Variants in COL4A4 observed in about 807,000 individuals in gnomAD.
COL4A4 encodes the protein collagen type IV alpha 4 chain.
Under a neutral mutation model 192.9 loss-of-function variants are expected in COL4A4, and 105 were observed. The ratio of observed to expected loss-of-function variants is 0.54; its 90% CI spans 0.46 to 0.64. COL4A4 has a LOEUF of 0.64. Among genes scored for constraint, COL4A4 ranks in the 30% least tolerant of loss-of-function variants. The pLI is 0.00. For synonymous variants in COL4A4, 762 were observed against 769.9 expected, an observed-to-expected ratio of 0.99 and a Z score of 0.17; for missense variants, 1,967 against 2,169.3, an observed-to-expected ratio of 0.91 and a Z score of 1.85.
intron 8 of COL4A4, among the ~76,000 whole-genome samples, chr2:227,113,343 C>A (rs1406594677): frequency 6.6e-6 from 1 of 152,086 alleles, no homozygotes; most frequent in African/African-American, 2.4e-5. Context: ...TCTTCTGTTT[C>A]CCCTTAAGAT....
intron 37 of COL4A4, among the ~76,000 whole-genome samples, 177 bp from the exon 38 acceptor site, chr2:227,033,658 A>T (rs764742706): frequency 1.3e-5 from 2 of 152,202 alleles, no homozygotes; most frequent in Non-Finnish European, 2.9e-5. Flanking sequence ...TAACACATTC[A>T]TCCGGTAAAG....
At chr2:227,144,833 C>G (rs1426328155) in intron 2 of COL4A4, among the ~76,000 whole-genome samples, 7 of 151,964 alleles carry the variant, frequency 4.6e-5, no homozygotes, top group Admixed American at 6.6e-5. Context: ...GAAAGTGAGA[C>G]CTGGAGGGAC....
chr2:226,996,963 G>T, the COL4A4 span: 1 of 152,268 alleles, frequency 6.6e-6, no homozygotes, highest in East Asian at 1.9e-4. Flanking sequence ...GGTACCCAGG[G>T]TTAACATTTT....
rs1369097739 is a variant in COL4A4, at chr2:227,050,133, T to A, written c.3151-2A>T. On this transcript the variant is annotated splice_acceptor_variant, in intron 33 of 47. Coordinates refer to ENST00000396625, the MANE Select transcript of COL4A4 (RefSeq NM_000092.5). LOFTEE classifies it high-confidence loss of function. ...GGGACCTGGAGAACCTGGCTCACCCTGACAGTTTAATGAAACAAAAGGCCT... is the reference window on the plus strand; with the variant it reads ...GGGACCTGGAGAACCTGGCTCACCCAGACAGTTTAATGAAACAAAAGGCCT... The A allele has an allele frequency of 6.2e-7, 1 of 1,613,902 alleles. No homozygotes were observed. The highest frequency in any genetic ancestry group is 8.5e-7 in the Non-Finnish European group (1 of 1,179,756).
chr2:227,045,846 A>AG (rs1559487996), intron 35 of COL4A4, among the ~76,000 whole-genome samples: 16 of 67,286 alleles, frequency 2.4e-4, no homozygotes, highest in African/African-American at 9.6e-4. Flanking sequence ...ACATATATAT[A>AG]TACACATATA....
Position 227,108,567 on chromosome 2 carries a change from G to A in COL4A4, c.735+14C>T. 6.2e-7 allele frequency: 1 copy of A among 1,613,228 alleles called. No individual in the cohort carries two copies. The highest frequency in any genetic ancestry group is 8.5e-7 in the Non-Finnish European group (1 of 1,179,192). ...CGTCACCATCTGCTCCTCAGAGCAA[G>A]AGGGAATTCTTACCGGGTCTCCCAT... On this transcript the variant is annotated intron_variant, in intron 12 of 47. Coordinates refer to ENST00000396625, the MANE Select transcript of COL4A4 (RefSeq NM_000092.5).
At chr2:227,096,298 A>C (rs964607254) in intron 19 of COL4A4, among the ~76,000 whole-genome samples, 1 of 152,212 alleles carries the variant, frequency 6.6e-6, no homozygotes, top group African/African-American at 2.4e-5. Flanking sequence ...AGGCAGGCCC[A>C]GCCCTTCCTG....
At position 227,085,152 on chromosome 2, in the gene COL4A4, C is replaced by T. The variant is rs534948259; in HGVS notation, c.1624-2965G>A. 7.2e-5 allele frequency among the ~76,000 whole-genome samples: 8 copies of T among 110,826 alleles called. 1 individual carries two copies. The South Asian group carries it at 2.5e-3, about 35-fold the overall frequency. The allele number at this position is 110,826 out of a possible 152,430, so 72.7% of individuals were successfully genotyped here. A position where few individuals can be genotyped will look rare whatever the true frequency, so the allele number is the denominator to read the frequency against. On this transcript the variant is annotated intron_variant, in intron 22 of 47. Coordinates refer to ENST00000396625, the MANE Select transcript of COL4A4 (RefSeq NM_000092.5). ...ACCAAAAAAAAAAACAAAAGCAAAA[C>T]GAAACAAAAAAAACACTTCCTCTCT... is the stretch of plus-strand genomic sequence containing the variant.
chr2:227,041,705 AAG>A (rs773445101), intron 37 of COL4A4, among the ~76,000 whole-genome samples: 30 of 130,932 alleles, frequency 2.3e-4, no homozygotes, highest in East Asian at 2.1e-4. Flanking sequence ...AGAGAGAGAG[AAG>A]GAAGGAAGGG....
rs374945692 is a variant in COL4A4, at chr2:227,099,692, G to A, written c.1030-3C>T. ...TGCCCTCGATTTCCAGGATCCCCCT[G>A]AAATCATTCATTCATTCACTTTTTA... On this transcript the variant is annotated splice_polypyrimidine_tract_variant and splice_region_variant and intron_variant, in intron 17 of 47. Coordinates refer to ENST00000396625, the MANE Select transcript of COL4A4 (RefSeq NM_000092.5). 2 of 1,613,510 alleles carry A rather than the reference G, an allele frequency of 1.2e-6. No individual in the cohort carries two copies. Among genetic ancestry groups the A allele is most frequent in the African/African-American group, 2.7e-5 (2 of 74,904 alleles).
intron 30 of COL4A4, among the ~76,000 whole-genome samples, chr2:227,055,140 G>A (rs1449937712): frequency 2.6e-5 from 4 of 152,086 alleles, no homozygotes; most frequent in South Asian, 2.1e-4. Flanking sequence ...TGTGTTCCTC[G>A]TAGTTCATCT....
At position 227,006,919 on chromosome 2, in the gene COL4A4, A is replaced by G. The variant is rs1962265584; in HGVS notation, c.*406T>C. The stretch of plus-strand genomic sequence containing the variant: ...TGACCTGTTTATTTTTTCCTATAAA[A>G]TCCATCCAGAAGCCCACTGTATTAT... On this transcript the variant is annotated 3_prime_UTR_variant, in exon 48 of 48. Coordinates refer to ENST00000396625, the MANE Select transcript of COL4A4 (RefSeq NM_000092.5). The G allele has an allele frequency of 5.5e-6, 1 of 180,524 alleles. No homozygotes were observed. The highest frequency in any genetic ancestry group is 2.4e-5 in the African/African-American group (1 of 42,160). 11.2% of individuals were successfully genotyped at this position (180,524 alleles called of 1,614,324 possible). A position where few individuals can be genotyped will look rare whatever the true frequency, so the allele number is the denominator to read the frequency against.
intron 1 of COL4A4, among the ~76,000 whole-genome samples, chr2:227,153,789 T>C (rs976140712): frequency 6.6e-6 from 1 of 152,162 alleles, no homozygotes; most frequent in African/African-American, 2.4e-5. Flanking sequence ...TGAGTAAGCA[T>C]GAAAACCTGT....
At chr2:227,085,208 T>C (rs1034465239) in intron 22 of COL4A4, among the ~76,000 whole-genome samples, 1 of 151,566 alleles carries the variant, frequency 6.6e-6, no homozygotes, top group Non-Finnish European at 1.5e-5. Context: ...TCAGTCTAGA[T>C]AAGGGACATC....
the COL4A4 span, chr2:226,995,510 C>T: frequency 8.4e-5 from 136 of 1,609,770 alleles, 1 homozygote; most frequent in Admixed American, 7.9e-4. Flanking sequence ...TTCACAGATT[C>T]GATAGCCAGT....
chr2:227,024,249 G>A (rs1417805566), intron 43 of COL4A4, among the ~76,000 whole-genome samples: 3 of 152,160 alleles, frequency 2.0e-5, no homozygotes, highest in African/African-American at 4.8e-5. Flanking sequence ...GGTGTTTCAC[G>A]CCTGTAATCC....
chr2:227,160,570 T>G (rs2064745718), intron 1 of COL4A4, among the ~76,000 whole-genome samples: 1 of 152,162 alleles, frequency 6.6e-6, no homozygotes, highest in Admixed American at 6.5e-5. Flanking sequence ...CACCTCCCCA[T>G]GTCCCGTGAT....
chr2:227,050,225 T>C (rs1973786815), intron 33 of COL4A4, 94 bp from the exon 34 acceptor site: 1 of 1,239,884 alleles, frequency 8.1e-7, no homozygotes, highest in African/African-American at 1.5e-5. Flanking sequence ...TGTAACTAAT[T>C]TGGTTTTTGT....
At chr2:227,145,808 T>C (rs1259656943) in intron 2 of COL4A4, among the ~76,000 whole-genome samples, 1 of 152,196 alleles carries the variant, frequency 6.6e-6, no homozygotes, top group Admixed American at 6.5e-5. Flanking sequence ...AGCCCATACT[T>C]AATGGCTCCC....
Sources: gnomAD v4.1 joint callset for allele counts (sites outside exome capture counted in the v4.1 genomes callset) on GRCh38, gnomAD v4.1.1 for gene constraint, MANE v1.5 for transcripts, NCBI Gene and HGNC (gene_info 2026-07-23, HGNC 2026-07-21) for gene names.